Variants in TNRC6A observed in about 807,000 individuals in gnomAD.
TNRC6A encodes the protein trinucleotide repeat containing adaptor 6A, also known as trinucleotide repeat-containing gene 6A protein.
In TNRC6A, 44 loss-of-function variants were observed where a neutral mutation model predicts 221.2. The observed-to-expected ratio is 0.20, with a 90% CI of 0.16 to 0.26. The LOEUF (loss-of-function observed/expected upper bound fraction) is 0.26. Among genes scored for constraint, TNRC6A ranks in the 10% least tolerant of loss-of-function variants. TNRC6A has a pLI of 1.00. For synonymous variants in TNRC6A, 847 were observed against 838.5 expected (o/e 1.01, Z -0.18); for missense variants, 2,199 against 2,404.4 (o/e 0.91, Z 1.79).
At chr16:24,696,740 A>AAAAAAAAAAAG (rs1274428977) in intron 2 of TNRC6A, among the ~76,000 whole-genome samples, 1 of 146,858 alleles carries the variant, frequency 6.8e-6, no homozygotes, top group Non-Finnish European at 1.5e-5. Flanking sequence ...AAAAAAAAAA[A>AAAAAAAAAAAG]AAAAAGAAAG....
chr16:24,791,579 A>C lies in TNRC6A; in HGVS notation c.2937A>C (p.Ala979=), dbSNP rs894287667. 8.2e-6 allele frequency: 13 copies of C among 1,577,724 alleles called. No individual in the cohort carries two copies. The highest frequency in any genetic ancestry group is 1.1e-5 in the Non-Finnish European group (13 of 1,165,266). Reference sequence around the variant, plus strand: ...TGGGGGGACCTATACCAGCCCCAGCAAAAGAAGAAGAACCCACAGGCTGGG... The same window carrying C: ...TGGGGGGACCTATACCAGCCCCAGCCAAAGAAGAAGAACCCACAGGCTGGG... ...GWLGGPIPAP[A]KEEEPTGWEE... Residue 979 remains alanine, a synonymous_variant, in exon 6 of 25, where the codon GCA becomes GCC. Transcript: ENST00000395799.
chr16:24,731,191 GCTTT>G (rs2056631780), intron 2 of TNRC6A, among the ~76,000 whole-genome samples: 1 of 151,920 alleles, frequency 6.6e-6, no homozygotes, highest in African/African-American at 2.4e-5. Context: ...TCCGTGAATA[GCTTT>G]CTTTTTTTCT....
intron 1 of TNRC6A, among the ~76,000 whole-genome samples, chr16:24,621,602 C>G (rs1596545048): frequency 6.6e-6 from 1 of 152,020 alleles, no homozygotes; most frequent in African/African-American, 2.4e-5. Context: ...AGATGATCCA[C>G]CCACCTTGGC....
At chr16:24,798,194 G>GAA (rs1226248222) in intron 11 of TNRC6A, 1 of 355,254 alleles carries the variant, frequency 2.8e-6, no homozygotes, top group African/African-American at 2.1e-5. Flanking sequence ...CCTGCCAAGA[G>GAA]GGAGTTACTC....
intron 4 of TNRC6A, among the ~76,000 whole-genome samples, chr16:24,763,446 G>A (rs1033733249): frequency 6.6e-6 from 1 of 152,138 alleles, no homozygotes; most frequent in African/African-American, 2.4e-5. Flanking sequence ...TTGTGTTGAA[G>A]GAAGAAGTTT....
At chr16:24,685,633 G>T (rs1355477046) in intron 2 of TNRC6A, among the ~76,000 whole-genome samples, 1 of 152,104 alleles carries the variant, frequency 6.6e-6, no homozygotes, top group Admixed American at 6.6e-5. Flanking sequence ...ACCACCGTGC[G>T]CAGCCACATT....
intron 2 of TNRC6A, among the ~76,000 whole-genome samples, chr16:24,692,309 A>G (rs12448821): frequency 0.82 from 124,334 of 152,208 alleles, 51,147 homozygotes; most frequent in African/African-American, 0.91. Context: ...GGTGGCTCAC[A>G]CCTGTAATCC....
rs1358758395 is a variant in TNRC6A at position 24,809,432 on chromosome 16, G to A, written c.4623G>A (p.Val1541=). ...CAAGACTAAGGAAGTGGACGACAGT[G>A]GACAGCATTTCTGTGAACACATCTT... is the stretch of plus-strand genomic sequence containing the variant. ...PQSRLRKWTT[V]DSISVNTSLD... The change falls in exon 18 of 25, where the codon GTG becomes GTA. Residue 1541 remains valine (V), a synonymous_variant. Coordinates refer to ENST00000395799, the MANE Select transcript of TNRC6A (RefSeq NM_014494.4). 6.3e-7 allele frequency: 1 copy of A among 1,598,888 alleles called. No individual in the cohort carries two copies. Among genetic ancestry groups the A allele is most frequent in the Non-Finnish European group, 8.5e-7 (1 of 1,171,652 alleles).
At chr16:24,687,965 T>A (rs2055675514) in intron 2 of TNRC6A, among the ~76,000 whole-genome samples, 1 of 145,522 alleles carries the variant, frequency 6.9e-6, no homozygotes, top group Non-Finnish European at 1.5e-5. Flanking sequence ...TTTTTTTTTT[T>A]TTTGTCGCCC....
intron 4 of TNRC6A, among the ~76,000 whole-genome samples, chr16:24,775,705 T>C (rs1021315485): frequency 8.5e-5 from 13 of 152,234 alleles, no homozygotes; most frequent in South Asian, 2.1e-4. Context: ...TGCTACTTTA[T>C]GGAGGAGAAA....
At chr16:24,712,135 G>T (rs189755269) in intron 2 of TNRC6A, among the ~76,000 whole-genome samples, 2 of 152,236 alleles carry the variant, frequency 1.3e-5, no homozygotes, top group Admixed American at 1.3e-4. Flanking sequence ...TTATTCCTTT[G>T]TTAGTTTATG....
intron 2 of TNRC6A, among the ~76,000 whole-genome samples, chr16:24,649,710 T>C (rs747980270): frequency 6.6e-6 from 1 of 151,996 alleles, no homozygotes; most frequent in Non-Finnish European, 1.5e-5. Flanking sequence ...CACCATGTTG[T>C]ACAATACATC....
rs895472643 is a variant in TNRC6A, at chr16:24,822,948, C to T, written c.5448C>T (p.His1816=). ...PLITFHLNLP[H]GNALVRYSSK... ...TCACATTCCACCTGAACCTCCCTCACGGAAATGCTCTGGTCCGCTACAGTT... is the reference window on the plus strand; with the variant it reads ...TCACATTCCACCTGAACCTCCCTCATGGAAATGCTCTGGTCCGCTACAGTT... The change falls in exon 24 of 25, where the codon CAC becomes CAT. Residue 1816 remains histidine, a synonymous_variant. Transcript: ENST00000395799. The T allele has an allele frequency of 8.1e-6, 13 of 1,614,240 alleles. No individual in the cohort carries two copies. The highest frequency in any genetic ancestry group is 3.3e-5 in the South Asian group (3 of 91,090).
intron 2 of TNRC6A, among the ~76,000 whole-genome samples, chr16:24,673,766 A>G (rs1023095274): frequency 7.9e-5 from 12 of 152,074 alleles, no homozygotes; most frequent in Non-Finnish European, 1.5e-4. Context: ...TTGCCAGCCC[A>G]GGGCTGGTCT....
At chr16:24,651,980 A>G (rs1344042140) in intron 2 of TNRC6A, among the ~76,000 whole-genome samples, 4 of 151,700 alleles carry the variant, frequency 2.6e-5, no homozygotes, top group African/African-American at 9.6e-5. Flanking sequence ...TGATGGATAG[A>G]TAGAGACACA....
At chr16:24,736,412 T>C (rs1236557040) in intron 2 of TNRC6A, among the ~76,000 whole-genome samples, 6 of 152,324 alleles carry the variant, frequency 3.9e-5, no homozygotes, top group Admixed American at 1.3e-4. Context: ...TATTCAGATT[T>C]TCCCAATTTT....
At chr16:24,702,168 CTT>C (rs1567370039) in intron 2 of TNRC6A, among the ~76,000 whole-genome samples, 6 of 39,746 alleles carry the variant, frequency 1.5e-4, no homozygotes, top group Non-Finnish European at 2.3e-4. Flanking sequence ...TTTTTCTTTT[CTT>C]TTTTCTTTTT....
chr16:24,796,560 G>A (rs950494307), intron 9 of TNRC6A, among the ~76,000 whole-genome samples: 4 of 152,188 alleles, frequency 2.6e-5, no homozygotes, highest in African/African-American at 4.8e-5. Context: ...AGAAAGGACA[G>A]AAGAACTTGG....
At position 24,729,764 on chromosome 16, in the gene TNRC6A, C is replaced by T. The variant is rs902365758; in HGVS notation, c.-78C>T. ...GGCGCTGGTGCAGCGGCTCGGGCCTCTCCCCGCGGCGCTGCGGAGGGCTTG... is the reference window on the plus strand; with the variant it reads ...GGCGCTGGTGCAGCGGCTCGGGCCTTTCCCCGCGGCGCTGCGGAGGGCTTG... On this transcript the variant is annotated 5_prime_UTR_variant, in exon 1 of 25. Transcript: ENST00000395799. 4.4e-6 allele frequency: 6 copies of T among 1,363,270 alleles called. No homozygotes were observed. The highest frequency in any genetic ancestry group is 6.7e-5 in the Admixed American group (2 of 29,994). 84.4% of individuals were successfully genotyped at this position (1,363,270 alleles called of 1,614,324 possible).
Sources: gnomAD v4.1 joint callset for allele counts (sites outside exome capture counted in the v4.1 genomes callset) on GRCh38, gnomAD v4.1.1 for gene constraint, MANE v1.5 for transcripts, NCBI Gene and HGNC (gene_info 2026-07-23, HGNC 2026-07-21) for gene names.